The following DCHS2 variants were observed in gnomAD, a reference collection of about 807,000 sequenced individuals.
DCHS2 encodes protocadherin-23.
DCHS2 carries 142 observed loss-of-function variants against 182.4 expected under a neutral mutation model. The ratio of observed to expected loss-of-function variants is 0.78; its 90% CI spans 0.68 to 0.89. The LOEUF (loss-of-function observed/expected upper bound fraction) is 0.89, where lower values mean the gene tolerates loss of function less well. Ranked by LOEUF, DCHS2 falls within the 40% of genes least tolerant of loss-of-function variation. DCHS2 has a pLI of 0.00. For synonymous variants in DCHS2, 1,740 were observed against 1,663.3 expected (o/e 1.05, Z -1.12); for missense variants, 4,319 against 4,198.6 (o/e 1.03, Z -0.79).
intron 1 of DCHS2, among the ~76,000 whole-genome samples, chr4:154,447,971 C>T (rs1396934978): frequency 2.6e-5 from 4 of 152,150 alleles, no homozygotes; most frequent in Non-Finnish European, 5.9e-5. Flanking sequence ...TCCTTGTTGA[C>T]TTCCTTTCCT....
intron 1 of DCHS2, among the ~76,000 whole-genome samples, chr4:154,392,703 C>T (rs1473617674): frequency 6.6e-6 from 1 of 152,156 alleles, no homozygotes; most frequent in East Asian, 1.9e-4. Context: ...GTTTTGTATA[C>T]CAGCTCCCAA....
intron 12 of DCHS2, among the ~76,000 whole-genome samples, chr4:154,302,960 C>T (rs1242039033): frequency 1.4e-4 from 9 of 62,916 alleles, no homozygotes; most frequent in Admixed American, 3.8e-4. Flanking sequence ...CACACACACA[C>T]ACACACACCC....
chr4:154,298,858 A>T, intron 12 of DCHS2, 150 bp from the exon 13 acceptor site: 1 of 1,198,226 alleles, frequency 8.3e-7, no homozygotes, highest in Non-Finnish European at 1.1e-6. Flanking sequence ...TATTGGGGAT[A>T]TAACAGTAAG....
intron 13 of DCHS2, among the ~76,000 whole-genome samples, chr4:154,293,858 G>T (rs565485997): frequency 6.6e-6 from 1 of 152,306 alleles, no homozygotes; most frequent in East Asian, 1.9e-4. Flanking sequence ...TGAGACGCTT[G>T]GTCGCGGGGT....
intron 10 of DCHS2, among the ~76,000 whole-genome samples, chr4:154,312,183 T>C (rs1561032998): frequency 1.3e-5 from 2 of 152,160 alleles, no homozygotes; most frequent in Non-Finnish European, 2.9e-5. Context: ...TTTGAAATGC[T>C]CTATAATCTA....
intron 2 of DCHS2, among the ~76,000 whole-genome samples, chr4:154,375,694 T>A (rs1231514253): frequency 6.6e-6 from 1 of 152,156 alleles, no homozygotes; most frequent in Non-Finnish European, 1.5e-5. Flanking sequence ...TTAGGGAGAA[T>A]GTGTAGCAAA....
chr4:154,474,443 G>C (rs886904668), intron 1 of DCHS2, among the ~76,000 whole-genome samples: 8 of 152,042 alleles, frequency 5.3e-5, no homozygotes, highest in Non-Finnish European at 8.8e-5. Context: ...CCTTCCTCAG[G>C]GGCAGCCCCC....
In DCHS2 at chr4:154,239,314, A is replaced by T. The variant is rs1731688564; in HGVS notation, c.7360-12T>A. ...TCAGGAACTGTGACCTGAGGGAAAA[A>T]GAGAAAAATAGGGACATTGTGCTTA... is the stretch of plus-strand genomic sequence containing the variant. On this transcript the variant is annotated splice_polypyrimidine_tract_variant and intron_variant, in intron 18 of 19. Transcript: ENST00000357232. 2 of 1,611,652 alleles carry T rather than the reference A, an allele frequency of 1.2e-6. No homozygotes were observed. Among genetic ancestry groups the T allele is most frequent in the African/African-American group, 2.7e-5 (2 of 74,764 alleles).
chr4:154,377,495 TTCAG>T, intron 1 of DCHS2, 51 bp from the exon 2 acceptor site: 1 of 1,452,750 alleles, frequency 6.9e-7, no homozygotes, highest in Non-Finnish European at 9.5e-7. Flanking sequence ...AGCATTACTT[TTCAG>T]TCAGTCATGA....
intron 7 of DCHS2, chr4:154,323,219 T>C (rs1331576343): frequency 6.5e-7 from 1 of 1,549,250 alleles, no homozygotes; most frequent in African/African-American, 1.4e-5. Flanking sequence ...GGGAGGCAGA[T>C]CTAGAGAACT....
At position 154,445,220 on chromosome 4, in the gene DCHS2, C is replaced by T. The variant is rs943580897; in HGVS notation, c.2052+44084G>A. Among the ~76,000 whole-genome samples, 6 of 152,146 alleles carry T rather than the reference C, an allele frequency of 3.9e-5. No individual in the cohort carries two copies. The South Asian group carries it at 6.2e-4, about 16-fold the overall frequency. ...TTGGCCCACAGTGTTATCTTTAGGG[C>T]TTAGAATCGAGTCTGGAACCTAGTA... On this transcript the variant is annotated intron_variant, in intron 1 of 19. Transcript: ENST00000357232.
intron 1 of DCHS2, among the ~76,000 whole-genome samples, chr4:154,437,702 C>T (rs1361929794): frequency 2.0e-5 from 3 of 152,150 alleles, no homozygotes; most frequent in Non-Finnish European, 4.4e-5. Flanking sequence ...TCTTCCTTGA[C>T]TGACTTACAG....
At chr4:154,464,274 C>T (rs2111004466) in intron 1 of DCHS2, among the ~76,000 whole-genome samples, 1 of 152,174 alleles carries the variant, frequency 6.6e-6, no homozygotes, top group South Asian at 2.1e-4. Context: ...AAAACTTTTC[C>T]CTCATTGCTT....
At chr4:154,308,778 T>C (rs1292290226) in intron 10 of DCHS2, among the ~76,000 whole-genome samples, 1 of 152,206 alleles carries the variant, frequency 6.6e-6, no homozygotes, top group East Asian at 1.9e-4. Flanking sequence ...GCTAAAAATA[T>C]AACTGCTAGT....
chr4:154,288,862 C>T (rs557233615), intron 13 of DCHS2, among the ~76,000 whole-genome samples: 1 of 152,058 alleles, frequency 6.6e-6, no homozygotes, highest in East Asian at 1.9e-4. Context: ...AAAATTTAAA[C>T]ATTTCTTGAA....
rs1338433861 is a variant in DCHS2, at chr4:154,333,171, G to A, written c.3037C>T (p.Leu1013Phe). The A allele has an allele frequency of 6.2e-7, 1 of 1,614,124 alleles. No homozygotes were observed. The highest frequency in any genetic ancestry group is 8.5e-7 in the Non-Finnish European group (1 of 1,180,056). Residue 1013 changes from leucine to phenylalanine, a missense_variant, in exon 5 of 20, where the codon CTC becomes TTC. Transcript: ENST00000357232. ...GGGCTGGCGATGGAGTACCGGATGA[G>A]TCCGTTCCGCCCACTGTCTCTGTCT... ...AEDRDSGRNG[L>F]IRYSIASPQP...
At chr4:154,366,475 T>A (rs970839055) in intron 2 of DCHS2, 34 bp from the exon 3 acceptor site, 1 of 1,451,186 alleles carries the variant, frequency 6.9e-7, no homozygotes, top group Non-Finnish European at 9.6e-7. Flanking sequence ...TACAAATGGG[T>A]TTTTGCTGAA....
chr4:154,302,661 G>A (rs1344081266), intron 12 of DCHS2, among the ~76,000 whole-genome samples: 4 of 151,890 alleles, frequency 2.6e-5, no homozygotes, highest in South Asian at 2.1e-4. Context: ...CGAGGGCTAC[G>A]GAGCTCCCAG....
chr4:154,321,033 T>C lies in DCHS2; in HGVS notation c.4366A>G (p.Ser1456Gly), dbSNP rs1736042040. Residue 1456 changes from serine (S) to glycine (G), a missense_variant, in exon 9 of 20, where the codon AGC (serine) becomes GGC (glycine). By Grantham distance (56) the Ser-to-Gly change is moderately conservative. Coordinates refer to ENST00000357232, the MANE Select transcript of DCHS2 (RefSeq NM_001358235.2). ...DDKDGHFEID[S>G]STGDLFLSKE... Reference sequence around the variant, plus strand: ...GAAAGAAACAAGTCTCCGGTTGAGCTGTCTATTTCAAAGTGTCCATCCTTA... The same window carrying C: ...GAAAGAAACAAGTCTCCGGTTGAGCCGTCTATTTCAAAGTGTCCATCCTTA... 1 of 1,613,398 alleles carries C rather than the reference T, an allele frequency of 6.2e-7. No homozygotes were observed. The highest frequency in any genetic ancestry group is 8.5e-7 in the Non-Finnish European group (1 of 1,179,544).
Sources: allele counts gnomAD v4.1 joint callset (sites outside exome capture counted in the v4.1 genomes callset), GRCh38; gene constraint gnomAD v4.1.1; transcripts MANE v1.5; gene names NCBI Gene and HGNC (gene_info 2026-07-23, HGNC 2026-07-21).